THSD7B: variants seen among roughly 807,000 people sequenced by gnomAD.
THSD7B encodes the protein thrombospondin type 1 domain containing 7B, also known as thrombospondin type-1 domain-containing protein 7B.
Under a neutral mutation model 213.6 loss-of-function variants are expected in THSD7B, and 138 were observed. The observed-to-expected ratio is 0.65, with a 90% CI of 0.56 to 0.74. The LOEUF is 0.74. Ranked by LOEUF, THSD7B falls within the 30% of genes least tolerant of loss-of-function variation. The pLI, the probability that THSD7B is intolerant of heterozygous loss-of-function variation, is 0.00. For missense variants in THSD7B, 1,931 were observed against 1,991.5 expected, an observed-to-expected ratio of 0.97 and a Z score of 0.58; for synonymous variants, 742 against 687.0, an observed-to-expected ratio of 1.08 and a Z score of -1.25.
intron 2 of THSD7B, among the ~76,000 whole-genome samples, chr2:137,028,274 A>G (rs1686591627): frequency 6.6e-6 from 1 of 152,222 alleles, no homozygotes; most frequent in Non-Finnish European, 1.5e-5. Flanking sequence ...CATTGGTTAG[A>G]CAGTCATGCT....
At chr2:137,186,417 A>G (rs1265525152) in intron 7 of THSD7B, among the ~76,000 whole-genome samples, 1 of 152,108 alleles carries the variant, frequency 6.6e-6, no homozygotes, top group African/African-American at 2.4e-5. Context: ...GTGAAAGGTA[A>G]GGGTTCAGTT....
intron 15 of THSD7B, among the ~76,000 whole-genome samples, chr2:137,475,330 T>C (rs538894131): frequency 2.6e-5 from 4 of 152,330 alleles, no homozygotes; most frequent in African/African-American, 9.6e-5. Flanking sequence ...TTTCTATGTG[T>C]TCGGAAACTT....
chr2:137,651,830 G>A (rs1683146715), intron 21 of THSD7B, among the ~76,000 whole-genome samples: 1 of 151,898 alleles, frequency 6.6e-6, no homozygotes, highest in Admixed American at 6.6e-5. Context: ...TCAGGAGCAT[G>A]TTGTTTAATT....
intron 2 of THSD7B, among the ~76,000 whole-genome samples, chr2:137,020,772 G>A (rs1295509428): frequency 6.6e-6 from 1 of 152,172 alleles, no homozygotes; most frequent in Non-Finnish European, 1.5e-5. Flanking sequence ...GACCTTTTGA[G>A]CAGGGCATCG....
intron 3 of THSD7B, among the ~76,000 whole-genome samples, chr2:137,060,132 T>C (rs1198190068): frequency 6.6e-6 from 1 of 152,162 alleles, no homozygotes; most frequent in Non-Finnish European, 1.5e-5. Flanking sequence ...CTGAACATCT[T>C]TTCATACACT....
chr2:136,939,650 A>G (rs483374), intron 2 of THSD7B, among the ~76,000 whole-genome samples: 62,567 of 151,924 alleles, frequency 0.41, 14,995 homozygotes, highest in Non-Finnish European at 0.55. Flanking sequence ...ATGGCAGTAG[A>G]TTTTGCTCTT....
chr2:137,216,169 T>G (rs1681237571), intron 7 of THSD7B, among the ~76,000 whole-genome samples: 1 of 152,090 alleles, frequency 6.6e-6, no homozygotes, highest in East Asian at 1.9e-4. Flanking sequence ...AGATTAATAC[T>G]GAAAGTTTTA....
chr2:137,052,971 G>A (rs1359532619), intron 2 of THSD7B, among the ~76,000 whole-genome samples: 6 of 151,912 alleles, frequency 3.9e-5, no homozygotes, highest in African/African-American at 1.5e-4. Flanking sequence ...CATGTTTTTT[G>A]GTTGTCCTCA....
At chr2:137,380,201 C>A (rs1685742273) in intron 12 of THSD7B, among the ~76,000 whole-genome samples, 1 of 149,890 alleles carries the variant, frequency 6.7e-6, no homozygotes, top group Admixed American at 6.7e-5. Flanking sequence ...CACTTGAGAC[C>A]AGAAGTTTGA....
At chr2:137,068,795 C>G (rs1452126135) in intron 3 of THSD7B, among the ~76,000 whole-genome samples, 1 of 152,024 alleles carries the variant, frequency 6.6e-6, no homozygotes, top group African/African-American at 2.4e-5. Context: ...AAGTGGCATT[C>G]TGTTTCCTCT....
At chr2:136,813,492 C>A (rs572046157) in intron 1 of THSD7B, among the ~76,000 whole-genome samples, 7 of 147,504 alleles carry the variant, frequency 4.7e-5, no homozygotes, top group Admixed American at 4.0e-4. Flanking sequence ...AAATGGCTCG[C>A]CTGTATTTAC....
chr2:137,621,460 A>G (rs1682518936), intron 20 of THSD7B, among the ~76,000 whole-genome samples: 1 of 152,220 alleles, frequency 6.6e-6, no homozygotes, highest in African/African-American at 2.4e-5. Context: ...ACACGATCCC[A>G]GAATCCCAGT....
chr2:137,549,414 C>CTTT, intron 15 of THSD7B, among the ~76,000 whole-genome samples: 1 of 142,236 alleles, frequency 7.0e-6, no homozygotes, highest in Non-Finnish European at 1.5e-5. Flanking sequence ...CTCACTCAAT[C>CTTT]TATCTACCTA....
intron 4 of THSD7B, 73 bp downstream of exon 4, chr2:137,095,194 A>C: frequency 6.4e-7 from 1 of 1,559,862 alleles, no homozygotes; most frequent in Admixed American, 1.8e-5. Context: ...AACAGTAATG[A>C]AAGTAGCTGT....
chr2:136,926,901 A>C (rs1684538051), intron 2 of THSD7B, among the ~76,000 whole-genome samples: 1 of 152,088 alleles, frequency 6.6e-6, no homozygotes, highest in Admixed American at 6.6e-5. Flanking sequence ...CTTGTTTTTC[A>C]AATGCATTTC....
chr2:137,065,415 G>A (rs185034891), intron 3 of THSD7B, among the ~76,000 whole-genome samples: 7 of 151,288 alleles, frequency 4.6e-5, no homozygotes, highest in Admixed American at 6.6e-5. Context: ...GGATTTTTTC[G>A]GTTTTTCCAA....
intron 1 of THSD7B, among the ~76,000 whole-genome samples, chr2:136,872,756 G>T (rs533544226): frequency 5.9e-4 from 80 of 135,374 alleles, no homozygotes; most frequent in African/African-American, 2.0e-3. Context: ...GGATCATGAG[G>T]TCAGGGGTTC....
intron 17 of THSD7B, among the ~76,000 whole-genome samples, chr2:137,606,719 C>T (rs1012101727): frequency 1.3e-5 from 2 of 151,598 alleles, no homozygotes; most frequent in Admixed American, 1.3e-4. Context: ...TACTTTGGCT[C>T]GACTTTAAAT....
intron 1 of THSD7B, among the ~76,000 whole-genome samples, chr2:136,831,129 C>CCTTTT (rs1553451486): frequency 8.3e-6 from 1 of 119,892 alleles, no homozygotes; most frequent in African/African-American, 3.1e-5. Flanking sequence ...CCTGTAGAAT[C>CCTTTT]TTTTTTTTTT....
Sources: allele counts gnomAD v4.1 joint callset (sites outside exome capture counted in the v4.1 genomes callset), GRCh38; gene constraint gnomAD v4.1.1; transcripts MANE v1.5; gene names NCBI Gene and HGNC (gene_info 2026-07-23, HGNC 2026-07-21).